Variants in NPM1 observed in about 807,000 individuals in gnomAD.
The protein encoded by NPM1 is nucleophosmin.
In NPM1, 1 loss-of-function variant was observed where a neutral mutation model predicts 44.1. The ratio of observed to expected loss-of-function variants is 0.02; its 90% CI spans 0.01 to 0.11. The LOEUF (loss-of-function observed/expected upper bound fraction) is 0.11. NPM1 is among the 10% of genes least tolerant of loss of function. NPM1 has a pLI of 1.00. For synonymous variants in NPM1, 126 were observed against 111.8 expected (o/e 1.13, Z -0.80); for missense variants, 197 against 347.8 (o/e 0.57, Z 3.45).
At position 171,390,134 on chromosome 5, in the gene NPM1, C is replaced by T. The variant is rs1445518712; in HGVS notation, c.138+4C>T. On this transcript the variant is annotated splice_donor_region_variant and intron_variant, in intron 2 of 10. Transcript: ENST00000296930. ...GCACCAGTTATCTTTAAGAACGGTA[C>T]TTAAACTTTCAAAATAAACTACTTA... 3 of 1,498,856 alleles carry T rather than the reference C, an allele frequency of 2.0e-6. No individual in the cohort carries two copies. The highest frequency in any genetic ancestry group is 1.4e-5 in the African/African-American group (1 of 70,858). 92.8% of individuals were successfully genotyped at this position (1,498,856 alleles called of 1,614,324 possible).
Position 171,400,152 on chromosome 5 carries a change from G to GTGA in NPM1, c.538_540dup (p.Asp180dup), listed in dbSNP as rs746541921. On this transcript the variant is annotated inframe_insertion and splice_region_variant. Coordinates refer to ENST00000296930, the MANE Select transcript of NPM1 (RefSeq NM_002520.7). ...TTAATGTCTTGACATTTCATTTGTA[G>GTGA]TGATGATGATGATGATTTTGATGAT... The GTGA allele has an allele frequency of 1.9e-5, 28 of 1,507,000 alleles. No individual in the cohort carries two copies. Among genetic ancestry groups the GTGA allele is most frequent in the East Asian group, 9.1e-5 (4 of 43,908 alleles). 93.4% of individuals were successfully genotyped at this position (1,507,000 alleles called of 1,614,324 possible). A position where few individuals can be genotyped will look rare whatever the true frequency, so the allele number is the denominator to read the frequency against.
At chr5:171,392,608 A>G (rs1487866027) in intron 4 of NPM1, 102 bp from the exon 5 acceptor site, 3 of 551,994 alleles carry the variant, frequency 5.4e-6, no homozygotes, top group Non-Finnish European at 8.7e-6. Flanking sequence ...TTTTTTAAAT[A>G]GAATAGAAGT....
At chr5:171,398,379 AG>A (rs1264624632) in intron 6 of NPM1, among the ~76,000 whole-genome samples, 1 of 152,182 alleles carries the variant, frequency 6.6e-6, no homozygotes. Flanking sequence ...GTGTGAATGG[AG>A]GGGTCTAAAT....
chr5:171,391,270 C>A, intron 2 of NPM1, 35 bp from the exon 3 acceptor site: 1 of 1,600,094 alleles, frequency 6.2e-7, no homozygotes, highest in South Asian at 1.1e-5. Context: ...AGGTGGAACT[C>A]AAAAGTTGAA....
At chr5:171,387,842 C>G (rs999174181), upstream of NPM1, 9 of 1,049,912 alleles carry the variant, frequency 8.6e-6, no homozygotes, top group East Asian at 2.4e-5. Flanking sequence ...CGCGGGGAGC[C>G]TGCGTCCTTT....
intron 8 of NPM1, among the ~76,000 whole-genome samples, chr5:171,402,426 C>T (rs1392558806): frequency 6.7e-6 from 1 of 148,734 alleles, no homozygotes; most frequent in African/African-American, 2.5e-5. Flanking sequence ...TTAGTTCAAC[C>T]ATTGTGGAAA....
intron 4 of NPM1, among the ~76,000 whole-genome samples, chr5:171,392,378 C>A (rs907699679): frequency 6.6e-6 from 1 of 152,136 alleles, no homozygotes. Flanking sequence ...GCACACTCCA[C>A]GCCTGGCTAA....
At position 171,391,299 on chromosome 5, in the gene NPM1, TCA is replaced by T; in HGVS notation, c.139-3_139-2del. 2 of 1,607,604 alleles carry T rather than the reference TCA, an allele frequency of 1.2e-6. No individual in the cohort carries two copies. The highest frequency in any genetic ancestry group is 3.4e-5 in the Admixed American group (2 of 58,554). ...AGTTGAAGTAGTATTTTTTTTTTGTTCACAGGTCAGTTTAGGGGCTGGTGCAA... is the reference window on the plus strand; with the variant it reads ...AGTTGAAGTAGTATTTTTTTTTTGTTCAGGTCAGTTTAGGGGCTGGTGCAA... On this transcript the variant is annotated splice_polypyrimidine_tract_variant and splice_region_variant and intron_variant, in intron 2 of 10. Transcript: ENST00000296930.
chr5:171,397,386 T>C (rs1199853686), intron 6 of NPM1, among the ~76,000 whole-genome samples: 1 of 152,204 alleles, frequency 6.6e-6, no homozygotes, highest in Admixed American at 6.5e-5. Context: ...GGCTCACCCA[T>C]TGTATTCCCA....
chr5:171,391,445 T>G (rs150647203), intron 3 of NPM1, 21 bp downstream of exon 3: 14 of 1,604,312 alleles, frequency 8.7e-6, no homozygotes, highest in Middle Eastern at 1.7e-4. Flanking sequence ...TTACATACTT[T>G]GGATGTTGTG....
chr5:171,407,445 T>A, intron 9 of NPM1: 1 of 474,456 alleles, frequency 2.1e-6, no homozygotes, highest in Non-Finnish European at 3.7e-6. Context: ...CAAGTGTAGC[T>A]TATATTTTAT....
At chr5:171,389,007 G>A (rs566206947) in intron 1 of NPM1, among the ~76,000 whole-genome samples, 6 of 152,186 alleles carry the variant, frequency 3.9e-5, no homozygotes, top group Non-Finnish European at 8.8e-5. Context: ...TGACCAAACT[G>A]CTTTTCTAAA....
intron 10 of NPM1, among the ~76,000 whole-genome samples, chr5:171,408,902 A>G (rs1771694428): frequency 6.6e-6 from 1 of 152,134 alleles, no homozygotes; most frequent in African/African-American, 2.4e-5. Flanking sequence ...ATTAAGTTGC[A>G]GTAGTCTTCT....
At chr5:171,401,969 T>C (rs1401966419) in intron 8 of NPM1, among the ~76,000 whole-genome samples, 1 of 151,764 alleles carries the variant, frequency 6.6e-6, no homozygotes, top group African/African-American at 2.4e-5. Flanking sequence ...CTTATGGAGA[T>C]TGTCATAAAA....
At chr5:171,398,449 T>C (rs1223586966) in intron 6 of NPM1, among the ~76,000 whole-genome samples, 1 of 152,140 alleles carries the variant, frequency 6.6e-6, no homozygotes. Flanking sequence ...AAACTATTTT[T>C]TCCCCATTGA....
Position 171,400,171 on chromosome 5 carries a change from T to C in NPM1, c.543T>C (p.Phe181=), listed in dbSNP as rs61755048. 1.7e-3 allele frequency: 2,679 copies of C among 1,597,092 alleles called. 50 individuals carry two copies. The African/African-American group carries it at 0.033, about 20-fold the overall frequency. The part of the protein sequence containing the change: ...DDDEDDDDDD[F]DDEEAEEKAP... ...TTTGTAGTGATGATGATGATGATTT[T>C]GATGATGAGGAAGCTGAAGAAAAAG... is the stretch of plus-strand genomic sequence containing the variant. Residue 181 remains phenylalanine, a synonymous_variant, in exon 7 of 11, where the codon TTT becomes TTC. Coordinates refer to ENST00000296930, the MANE Select transcript of NPM1 (RefSeq NM_002520.7).
rs1262383368 is a variant in NPM1 at position 171,390,140 on chromosome 5, C to T, written c.138+10C>T. On this transcript the variant is annotated intron_variant, in intron 2 of 10. Coordinates refer to ENST00000296930, the MANE Select transcript of NPM1 (RefSeq NM_002520.7). ...GTTATCTTTAAGAACGGTACTTAAA[C>T]TTTCAAAATAAACTACTTAACCCTA... The T allele has an allele frequency of 9.7e-6, 14 of 1,447,102 alleles. No individual in the cohort carries two copies. The highest frequency in any genetic ancestry group is 1.1e-5 in the Non-Finnish European group (12 of 1,065,272). 89.6% of individuals were successfully genotyped at this position (1,447,102 alleles called of 1,614,324 possible). A position where few individuals can be genotyped will look rare whatever the true frequency, so the allele number is the denominator to read the frequency against.
chr5:171,400,907 A>G lies in NPM1; in HGVS notation c.651A>G (p.Ser217=), dbSNP rs1400298253. ...AGAATGGAAAAGACTCAAAACCATC[A>G]TCAACACCAAGATCAAAAGTAAGTG... The part of the protein sequence containing the change: ...SNQNGKDSKP[S]STPRSKGQES... The change falls in exon 8 of 11, where the codon TCA becomes TCG. Residue 217 remains serine, a synonymous_variant. Transcript: ENST00000296930. 1.2e-6 allele frequency: 2 copies of G among 1,611,704 alleles called. No individual in the cohort carries two copies. Among genetic ancestry groups the G allele is most frequent in the Non-Finnish European group, 1.7e-6 (2 of 1,178,538 alleles).
chr5:171,403,639 G>T (rs1771365311), intron 8 of NPM1, among the ~76,000 whole-genome samples: 1 of 104,448 alleles, frequency 9.6e-6, no homozygotes, highest in Admixed American at 9.5e-5. Flanking sequence ...CAGGGGGGCT[G>T]ACCCCCCCCA....
Sources: allele counts gnomAD v4.1 joint callset (sites outside exome capture counted in the v4.1 genomes callset), GRCh38; gene constraint gnomAD v4.1.1; transcripts MANE v1.5; gene names NCBI Gene and HGNC (gene_info 2026-07-23, HGNC 2026-07-21).